The following FAM185A variants were observed in gnomAD, a reference collection of about 807,000 sequenced individuals.
FAM185A encodes the protein family with sequence similarity 185 member A.
FAM185A carries 21 observed loss-of-function variants against 45.7 expected under a neutral mutation model. The observed-to-expected ratio is 0.46, with a 90% confidence interval of 0.33 to 0.66. The LOEUF (loss-of-function observed/expected upper bound fraction) is 0.66, where lower values mean the gene tolerates loss of function less well. Ranked by LOEUF, FAM185A falls within the 30% of genes least tolerant of loss-of-function variation. The pLI, the probability that FAM185A is intolerant of heterozygous loss-of-function variation, is 0.03. For missense variants in FAM185A, 305 were observed against 485.4 expected (o/e 0.63, Z 3.49); for synonymous variants, 117 against 194.0 (o/e 0.60, Z 3.30).
chr7:102,838,922 G>A, the FAM185A span, among the ~76,000 whole-genome samples: 2 of 152,192 alleles, frequency 1.3e-5, no homozygotes, highest in African/African-American at 2.4e-5. Flanking sequence ...CCCCCAGCCC[G>A]ACACCCGTGA....
chr7:102,834,092 A>AG, the FAM185A span, among the ~76,000 whole-genome samples: 1 of 85,984 alleles, frequency 1.2e-5, no homozygotes, highest in Admixed American at 1.0e-4. Context: ...AAAGAAAAGA[A>AG]AGAAAGAAAG....
chr7:102,776,125 C>A (rs1279040850), intron 5 of FAM185A, among the ~76,000 whole-genome samples: 1 of 129,664 alleles, frequency 7.7e-6, no homozygotes, highest in Non-Finnish European at 1.6e-5. Flanking sequence ...CAAATGTTTT[C>A]TCTCTCTGTT....
At chr7:102,840,030 A>T in the FAM185A span, among the ~76,000 whole-genome samples, 1 of 152,196 alleles carries the variant, frequency 6.6e-6, no homozygotes, top group Non-Finnish European at 1.5e-5. Context: ...GGCTGCACAG[A>T]TCCAGAACAT....
the FAM185A span, among the ~76,000 whole-genome samples, chr7:102,837,937 A>AT: frequency 1.3e-5 from 2 of 152,204 alleles, no homozygotes; most frequent in Non-Finnish European, 2.9e-5. Context: ...TCCATGTCTA[A>AT]TTTATCTTTG....
chr7:102,767,240 A>G (rs1794467441), intron 4 of FAM185A, among the ~76,000 whole-genome samples: 1 of 148,412 alleles, frequency 6.7e-6, no homozygotes. Flanking sequence ...GCAGCTCCTT[A>G]GAGACATTCA....
In FAM185A at chr7:102,808,417, G is replaced by A. The variant is rs570351180; in HGVS notation, c.*15G>A. 1 of 1,399,924 alleles carries A rather than the reference G, an allele frequency of 7.1e-7. No individual in the cohort carries two copies. Among genetic ancestry groups the A allele is most frequent in the Admixed American group, 2.0e-5 (1 of 50,224 alleles). 86.7% of individuals were successfully genotyped at this position (1,399,924 alleles called of 1,614,324 possible). A position where few individuals can be genotyped will look rare whatever the true frequency, so the allele number is the denominator to read the frequency against. On this transcript the variant is annotated 3_prime_UTR_variant, in exon 8 of 8. Transcript: ENST00000413034. ...TGCAGGACTAAAACTGATTTGAGTT[G>A]GATTTATGATTTTTAACAATGATTC...
chr7:102,813,276 C>T, downstream of FAM185A: 1 of 1,442,806 alleles, frequency 6.9e-7, no homozygotes, highest in East Asian at 2.3e-5. Context: ...AGTAAACATA[C>T]TTGCAACAAA....
At position 102,797,212 on chromosome 7, in the gene FAM185A, C is replaced by G. The variant is rs544209851; in HGVS notation, c.1066+9743C>G. Among the ~76,000 whole-genome samples the G allele has an allele frequency of 7.3e-4, 111 of 152,250 alleles. 1 individual carries two copies. Among genetic ancestry groups the G allele is most frequent in the African/African-American group, 2.6e-3 (107 of 41,538 alleles). ...GCACGGTGGCTCACGCCTGTAATCC[C>G]AGCACTTTGGGAGGCCGAGGCGGGC... On this transcript the variant is annotated intron_variant, in intron 7 of 7. Transcript: ENST00000413034.
chr7:102,751,672 T>C lies in FAM185A; in HGVS notation c.452-20T>C. ...TATAAACTGCAGTACTAACTTGCTT[T>C]TTTCTTTTTTTACTTCTAGGTTTAG... On this transcript the variant is annotated intron_variant, in intron 1 of 7. Coordinates refer to ENST00000413034, the MANE Select transcript of FAM185A (RefSeq NM_001145268.2). 6.5e-7 allele frequency: 1 copy of C among 1,533,222 alleles called. No individual in the cohort carries two copies. Among genetic ancestry groups the C allele is most frequent in the East Asian group, 2.5e-5 (1 of 40,738 alleles). The allele number at this position is 1,533,222 out of a possible 1,614,324, so 95.0% of individuals were successfully genotyped here.
chr7:102,765,667 G>T (rs915978413), intron 4 of FAM185A, among the ~76,000 whole-genome samples: 51 of 152,270 alleles, frequency 3.3e-4, no homozygotes, highest in African/African-American at 1.2e-3. Flanking sequence ...AAATTTTTAA[G>T]TATAGCTAAC....
At chr7:102,782,468 A>T (rs1472279222) in intron 6 of FAM185A, among the ~76,000 whole-genome samples, 1 of 152,248 alleles carries the variant, frequency 6.6e-6, no homozygotes, top group African/African-American at 2.4e-5. Flanking sequence ...GAAACTCTAC[A>T]AGCCAGAAGT....
intron 5 of FAM185A, among the ~76,000 whole-genome samples, chr7:102,776,702 T>TAAAAAAAAAAAAAAAAAAAA (rs72022042): frequency 8.2e-5 from 8 of 97,082 alleles, no homozygotes; most frequent in African/African-American, 1.5e-4. Flanking sequence ...ACCCTGTCTC[T>TAAAAAAAAAAAAAAAAAAAA]AAAAAAAAAA....
rs368534554 is a variant in FAM185A at position 102,801,853 on chromosome 7, C to G, written c.1067-6437C>G. ...GGCAGAATTGCTTGAACCCGGGAGGCAGAGGTTGCAGTGAGCTGAGATCAC... is the reference window on the plus strand; with the variant it reads ...GGCAGAATTGCTTGAACCCGGGAGGGAGAGGTTGCAGTGAGCTGAGATCAC... On this transcript the variant is annotated intron_variant, in intron 7 of 7. Transcript: ENST00000413034. Among the ~76,000 whole-genome samples the G allele has an allele frequency of 4.0e-4, 60 of 151,154 alleles. 2 individuals carry two copies. The highest frequency in any genetic ancestry group is 3.1e-3 in the East Asian group (16 of 5,116).
intron 7 of FAM185A, among the ~76,000 whole-genome samples, chr7:102,789,420 T>G (rs558502131): frequency 3.9e-5 from 6 of 152,190 alleles, no homozygotes; most frequent in Non-Finnish European, 8.8e-5. Context: ...TTTAAAAAAT[T>G]TTTTGAGGCT....
chr7:102,804,222 C>T (rs910688440), intron 7 of FAM185A, among the ~76,000 whole-genome samples: 3 of 152,058 alleles, frequency 2.0e-5, no homozygotes, highest in African/African-American at 7.2e-5. Flanking sequence ...GTCCCATAGC[C>T]AAAGCAAGAC....
At chr7:102,819,390 A>G in the FAM185A span, among the ~76,000 whole-genome samples, 7 of 152,136 alleles carry the variant, frequency 4.6e-5, no homozygotes, top group Non-Finnish European at 1.5e-5. Context: ...AATGCCAGCC[A>G]TATCTTCTGC....
intron 5 of FAM185A, among the ~76,000 whole-genome samples, chr7:102,776,097 T>TGTACACACACACACACACAC: frequency 1.8e-5 from 2 of 110,348 alleles, no homozygotes; most frequent in Non-Finnish European, 3.5e-5. Flanking sequence ...TGTTGGCTCC[T>TGTACACACACACACACACAC]ATACACACAC....
downstream of FAM185A, chr7:102,813,642 AC>A: frequency 9.4e-7 from 1 of 1,067,152 alleles, no homozygotes; most frequent in Non-Finnish European, 1.4e-6. Context: ...ATCTGAATTC[AC>A]ATGAGACCTC....
At chr7:102,752,946 T>C (rs1793461201) in intron 2 of FAM185A, among the ~76,000 whole-genome samples, 1 of 151,316 alleles carries the variant, frequency 6.6e-6, no homozygotes. Context: ...AAACACTAGT[T>C]AGAATAATTT....
Sources: gnomAD v4.1 joint callset for allele counts (sites outside exome capture counted in the v4.1 genomes callset) on GRCh38, gnomAD v4.1.1 for gene constraint, MANE v1.5 for transcripts, NCBI Gene and HGNC (gene_info 2026-07-23, HGNC 2026-07-21) for gene names.